Variants in ATP7B observed in about 807,000 individuals in gnomAD.
ATP7B encodes the protein copper-transporting ATPase 2.
ATP7B carries 113 observed loss-of-function variants against 118.9 expected under a neutral mutation model. That is an observed-to-expected ratio of 0.95 (90% CI 0.82 to 1.11). ATP7B has a LOEUF of 1.11. Among genes scored for constraint, ATP7B ranks in the 50% most tolerant of loss-of-function variants. ATP7B has a pLI of 0.00. For synonymous variants in ATP7B, 777 were observed against 727.4 expected, an observed-to-expected ratio of 1.07 and a Z score of -1.10; for missense variants, 1,867 against 1,871.4, an observed-to-expected ratio of 1.00 and a Z score of 0.04.
intron 13 of ATP7B, among the ~76,000 whole-genome samples, chr13:51,945,877 C>A (rs529105751): frequency 2.7e-4 from 41 of 152,266 alleles, no homozygotes; most frequent in Admixed American, 1.6e-3. Flanking sequence ...TCCCCAGGGT[C>A]ACAGGACCCA....
Position 51,970,709 on chromosome 13 carries a change from C to A in ATP7B, c.1326G>T (p.Gly442=), listed in dbSNP as rs1371066375. ...STNPLGNHSA[G]NSMVQTTDGT... ...CATCTGTAGTTTGCACCATGGAATT[C>A]CCAGCACTGTGGTTTCCAAGAGGGT... Residue 442 remains glycine (G), a synonymous_variant, in exon 3 of 21, where the codon GGG becomes GGT. Transcript: ENST00000242839. The A allele has an allele frequency of 9.3e-6, 15 of 1,613,968 alleles. No individual in the cohort carries two copies. Among genetic ancestry groups the A allele is most frequent in the Non-Finnish European group, 1.3e-5 (15 of 1,179,996 alleles).
At chr13:52,008,539 C>A (rs993183201) in intron 1 of ATP7B, among the ~76,000 whole-genome samples, 8 of 152,076 alleles carry the variant, frequency 5.3e-5, no homozygotes, top group Admixed American at 1.3e-4. Flanking sequence ...AGAGCCCTCT[C>A]ATTAACAGAA....
rs1958528082 is a variant in ATP7B, at chr13:51,958,763, C to T, written c.2122-219G>A. The T allele has an allele frequency of 1.0e-5, 6 of 590,490 alleles. No homozygotes were observed. In the East Asian group the frequency reaches 1.4e-4, roughly 14 times the overall value. 36.6% of individuals were successfully genotyped at this position (590,490 alleles called of 1,614,324 possible). A position where few individuals can be genotyped will look rare whatever the true frequency, so the allele number is the denominator to read the frequency against. On this transcript the variant is annotated intron_variant, in intron 7 of 20. Coordinates refer to ENST00000242839, the MANE Select transcript of ATP7B (RefSeq NM_000053.4). ...CCAAGAGCATGTGAGACCTTTAAAA[C>T]CCAGTGCTTACAACACAAATGTCCT...
intron 1 of ATP7B, among the ~76,000 whole-genome samples, chr13:51,991,894 G>C (rs1449930490): frequency 1.3e-5 from 2 of 152,104 alleles, no homozygotes; most frequent in African/African-American, 4.8e-5. Flanking sequence ...TAATTCCTAG[G>C]AACCTCACCA....
In ATP7B at chr13:52,008,467, A is replaced by G. The variant is rs181674052; in HGVS notation, c.51+2820T>C. Reference sequence around the variant, plus strand: ...ACGGGGCTGAACATTCGAATCCCCTAATCACATGGTTGGTTCTTCTGGCAA... The same window carrying G: ...ACGGGGCTGAACATTCGAATCCCCTGATCACATGGTTGGTTCTTCTGGCAA... On this transcript the variant is annotated intron_variant, in intron 1 of 20. Transcript: ENST00000242839. Among the ~76,000 whole-genome samples, 6 of 152,296 alleles carry G rather than the reference A, an allele frequency of 3.9e-5. No individual in the cohort carries two copies. In the East Asian group the frequency reaches 9.6e-4, roughly 24 times the overall value.
rs1237211954 is a variant in ATP7B at position 51,934,783 on chromosome 13, A to C, written c.4371T>G (p.Asn1457Lys). Residue 1457 changes from asparagine to lysine, a missense_variant, in exon 21 of 21, where the codon AAT (asparagine) becomes AAG (lysine). Transcript: ENST00000242839. ...AGATGTACTGCTCCTCATCCCTGCC[A>C]TTCAGGAGCAGAGACCACTTGTCCC... ...DDGDKWSLLL[N>K]GRDEEQYI 2 of 1,613,916 alleles carry C rather than the reference A, an allele frequency of 1.2e-6. No individual in the cohort carries two copies. Among genetic ancestry groups the C allele is most frequent in the African/African-American group, 2.7e-5 (2 of 74,946 alleles).
At chr13:51,987,785 C>T (rs1041826516) in intron 1 of ATP7B, among the ~76,000 whole-genome samples, 1 of 152,212 alleles carries the variant, frequency 6.6e-6, no homozygotes, top group Non-Finnish European at 1.5e-5. Context: ...CGATCTTTGA[C>T]AAACCTGACA....
chr13:52,004,235 C>A (rs564403164), intron 1 of ATP7B, among the ~76,000 whole-genome samples: 1 of 152,330 alleles, frequency 6.6e-6, no homozygotes, highest in South Asian at 2.1e-4. Context: ...GCACTCCAGC[C>A]TGGCTGACAG....
chr13:51,955,491 T>C (rs1958279573), intron 9 of ATP7B, among the ~76,000 whole-genome samples: 1 of 152,078 alleles, frequency 6.6e-6, no homozygotes, highest in Non-Finnish European at 1.5e-5. Flanking sequence ...AGGCCGTGCG[T>C]CCCCAGCCAA....
At chr13:51,977,176 A>G (rs1266390986) in intron 1 of ATP7B, among the ~76,000 whole-genome samples, 1 of 151,940 alleles carries the variant, frequency 6.6e-6, no homozygotes, top group African/African-American at 2.4e-5. Flanking sequence ...AACAATAATA[A>G]TAATTTATTA....
At chr13:52,005,530 C>G (rs1193587739) in intron 1 of ATP7B, among the ~76,000 whole-genome samples, 1 of 152,200 alleles carries the variant, frequency 6.6e-6, no homozygotes, top group Non-Finnish European at 1.5e-5. Context: ...AAGACCTCAT[C>G]AAAATGACCT....
Position 51,977,064 on chromosome 13 carries a change from G to A in ATP7B, c.52-1896C>T, listed in dbSNP as rs529562614. 8.5e-5 allele frequency among the ~76,000 whole-genome samples: 13 copies of A among 152,258 alleles called. No homozygotes were observed. In the South Asian group the frequency reaches 1.9e-3, roughly 22 times the overall value. ...TGTAATCTCAATGCTTTGGGAGGCC[G>A]AGGCAGGAGGACTGCTTGAGCCCAG... On this transcript the variant is annotated intron_variant, in intron 1 of 20. Coordinates refer to ENST00000242839, the MANE Select transcript of ATP7B (RefSeq NM_000053.4).
At chr13:51,979,665 T>C (rs1247869472) in intron 1 of ATP7B, among the ~76,000 whole-genome samples, 1 of 152,168 alleles carries the variant, frequency 6.6e-6, no homozygotes, top group Non-Finnish European at 1.5e-5. Flanking sequence ...TTCCTCATAA[T>C]AAGAAAGACA....
In ATP7B at chr13:51,949,874, T is replaced by C. The variant is rs751278492; in HGVS notation, c.2731-78A>G. On this transcript the variant is annotated intron_variant, in intron 11 of 20. Coordinates refer to ENST00000242839, the MANE Select transcript of ATP7B (RefSeq NM_000053.4). ...AAACACCACAAGCATGGATAAAGAT[T>C]GGGATAATCTCCTTCATTTAACCAC... The C allele has an allele frequency of 8.7e-6, 14 of 1,610,678 alleles. No individual in the cohort carries two copies. The East Asian group carries it at 2.9e-4, about 33-fold the overall frequency.
At chr13:51,981,245 A>G (rs1952402449) in intron 1 of ATP7B, among the ~76,000 whole-genome samples, 1 of 152,222 alleles carries the variant, frequency 6.6e-6, no homozygotes, top group African/African-American at 2.4e-5. Flanking sequence ...GGAAGAGACT[A>G]CAATGCAGAA....
intron 15 of ATP7B, among the ~76,000 whole-genome samples, chr13:51,941,567 AC>A (rs1957336707): frequency 6.6e-6 from 1 of 152,250 alleles, no homozygotes; most frequent in Non-Finnish European, 1.5e-5. Context: ...TGCCCAGCAC[AC>A]AAAGCAAGTG....
At position 51,980,940 on chromosome 13, in the gene ATP7B, C is replaced by CA. The variant is rs1488825065; in HGVS notation, c.52-5773dup. Among the ~76,000 whole-genome samples the CA allele has an allele frequency of 2.6e-5, 4 of 152,258 alleles. No individual in the cohort carries two copies. In the East Asian group the frequency reaches 5.8e-4, roughly 22 times the overall value. ...CTGAACTTTCATGGGATTCAAAATA[C>CA]AAAAAAGTCCGGATTCTTTCATATG... On this transcript the variant is annotated intron_variant, in intron 1 of 20. Coordinates refer to ENST00000242839, the MANE Select transcript of ATP7B (RefSeq NM_000053.4).
intron 1 of ATP7B, among the ~76,000 whole-genome samples, chr13:51,984,670 G>A (rs182338474): frequency 1.2e-4 from 19 of 152,296 alleles, no homozygotes; most frequent in African/African-American, 4.3e-4. Context: ...AGAGAGAAAG[G>A]TCAGGTTACC....
Position 51,970,723 on chromosome 13 carries a change from T to A in ATP7B, c.1312A>T (p.Asn438Tyr). Reference sequence around the variant, plus strand: ...ACCATGGAATTCCCAGCACTGTGGTTTCCAAGAGGGTTAGTAGAACAGCTT... The same window carrying A: ...ACCATGGAATTCCCAGCACTGTGGTATCCAAGAGGGTTAGTAGAACAGCTT... ...SESCSTNPLG[N>Y]HSAGNSMVQT... Residue 438 changes from asparagine (N) to tyrosine (Y), a missense_variant, in exon 3 of 21, where the codon AAC (asparagine) becomes TAC (tyrosine). Coordinates refer to ENST00000242839, the MANE Select transcript of ATP7B (RefSeq NM_000053.4). The A allele has an allele frequency of 8.1e-6, 13 of 1,614,080 alleles. No homozygotes were observed. Among genetic ancestry groups the A allele is most frequent in the Non-Finnish European group, 1.1e-5 (13 of 1,179,932 alleles).
Sources: gnomAD v4.1 joint callset for allele counts (sites outside exome capture counted in the v4.1 genomes callset) on GRCh38, gnomAD v4.1.1 for gene constraint, MANE v1.5 for transcripts, NCBI Gene and HGNC (gene_info 2026-07-23, HGNC 2026-07-21) for gene names.